TRMT1L: variants seen among roughly 807,000 people sequenced by gnomAD.
TRMT1L encodes the protein tRNA (guanine(27)-N(2))-dimethyltransferase.
TRMT1L carries 28 observed loss-of-function variants against 81.6 expected under a neutral mutation model. The ratio of observed to expected loss-of-function variants is 0.34; its 90% confidence interval spans 0.25 to 0.47. TRMT1L has a LOEUF of 0.47. Among genes scored for constraint, TRMT1L ranks in the 20% least tolerant of loss-of-function variants. TRMT1L has a pLI of 1.00. For synonymous variants in TRMT1L, 301 were observed against 303.2 expected, an observed-to-expected ratio of 0.99 and a Z score of 0.07; for missense variants, 739 against 877.1, an observed-to-expected ratio of 0.84 and a Z score of 1.99.
intron 3 of TRMT1L, among the ~76,000 whole-genome samples, chr1:185,148,268 C>T (rs1015968770): frequency 2.6e-5 from 4 of 152,174 alleles, no homozygotes; most frequent in Admixed American, 1.3e-4. Context: ...GACATCTCCA[C>T]TTAGATGCAT....
rs1238507724 is a variant in TRMT1L, at chr1:185,128,752, A to C, written c.1514-5T>G. ...GCAGCTGTCTATATGGGTTTTCTGT[A>C]AAAAGATAATAAAAGGAGAAATCAA... On this transcript the variant is annotated splice_region_variant and splice_polypyrimidine_tract_variant and intron_variant, in intron 10 of 14. Coordinates refer to ENST00000367506, the MANE Select transcript of TRMT1L (RefSeq NM_030934.5). The C allele has an allele frequency of 1.3e-6, 2 of 1,598,004 alleles. No individual in the cohort carries two copies. Among genetic ancestry groups the C allele is most frequent in the Non-Finnish European group, 1.7e-6 (2 of 1,175,516 alleles).
intron 12 of TRMT1L, among the ~76,000 whole-genome samples, chr1:185,124,240 T>C (rs537034686): frequency 6.6e-6 from 1 of 152,140 alleles, no homozygotes; most frequent in Admixed American, 6.5e-5. Flanking sequence ...TGTGTCTTCA[T>C]AGATATTACA....
At chr1:185,122,899 G>GACCAA (rs1553245502) in intron 13 of TRMT1L, among the ~76,000 whole-genome samples, 4 of 151,940 alleles carry the variant, frequency 2.6e-5, no homozygotes, top group Non-Finnish European at 5.9e-5. Flanking sequence ...TGGCCAGGCT[G>GACCAA]GTCTTGAACT....
In TRMT1L at chr1:185,118,144, T is replaced by C. The variant is rs1571338555; in HGVS notation, c.*1875A>G. On this transcript the variant is annotated 3_prime_UTR_variant, in exon 15 of 15. Transcript: ENST00000367506. ...AATGAAAGGATACAACTGATGCTAC[T>C]TTACAACATGATAAACATTTGCAAT... 1 of 152,314 alleles carries C rather than the reference T, an allele frequency of 6.6e-6. No individual in the cohort carries two copies. Among genetic ancestry groups the C allele is most frequent in the South Asian group, 2.1e-4 (1 of 4,832 alleles). 9.4% of individuals were successfully genotyped at this position (152,314 alleles called of 1,614,324 possible).
chr1:185,137,783 A>G lies in TRMT1L; in HGVS notation c.1336T>C (p.Cys446Arg). 6.2e-7 allele frequency: 1 copy of G among 1,613,276 alleles called. No homozygotes were observed. The highest frequency in any genetic ancestry group is 8.5e-7 in the Non-Finnish European group (1 of 1,179,854). Residue 446 changes from cysteine (C) to arginine (R), a missense_variant, in exon 10 of 15, where the codon TGC becomes CGC. By Grantham distance (180) the Cys-to-Arg change is radical. Around this residue, in one of 4 missense-constraint regions of TRMT1L, gnomAD observed 331 missense variants for 462.2 expected, o/e 0.72. Coordinates refer to ENST00000367506, the MANE Select transcript of TRMT1L (RefSeq NM_030934.5). ...AACAGTACTTCTATGCCTTTGTTGCATCGGGCTGCAGCTCTACAATAAATT... is the reference window on the plus strand; with the variant it reads ...AACAGTACTTCTATGCCTTTGTTGCGTCGGGCTGCAGCTCTACAATAAATT... Reference protein sequence around the residue: ...VAAVARAAARCNKGIEVLFAV... With the variant: ...VAAVARAAARRNKGIEVLFAV...
intron 7 of TRMT1L, among the ~76,000 whole-genome samples, chr1:185,141,129 C>A (rs1212986480): frequency 6.6e-6 from 1 of 152,106 alleles, no homozygotes; most frequent in African/African-American, 2.4e-5. Context: ...ACAAGCCCAG[C>A]CAACATAGAT....
chr1:185,120,167 T>A lies in TRMT1L; in HGVS notation c.2054A>T (p.Lys685Ile). The A allele has an allele frequency of 6.2e-7, 1 of 1,613,898 alleles. No homozygotes were observed. Among genetic ancestry groups the A allele is most frequent in the Non-Finnish European group, 8.5e-7 (1 of 1,179,906 alleles). Reference sequence around the variant, plus strand: ...GGTGCTGTACTTTAAAAGGATAGATTTAAACTGCATCAGAGGTGCATCTGT... The same window carrying A: ...GGTGCTGTACTTTAAAAGGATAGATATAAACTGCATCAGAGGTGCATCTGT... ...VRTDAPLMQF[K>I]SILLKYSTPT... Residue 685 changes from lysine to isoleucine, a missense_variant, in exon 15 of 15, where the codon AAA becomes ATA. Physicochemically the swap from Lys to Ile is moderately radical, Grantham distance 102. Transcript: ENST00000367506.
intron 3 of TRMT1L, among the ~76,000 whole-genome samples, chr1:185,148,124 C>G (rs1426505518): frequency 2.0e-5 from 3 of 152,070 alleles, no homozygotes; most frequent in African/African-American, 7.2e-5. Flanking sequence ...TTTTTTCCAT[C>G]AATATGTATT....
intron 10 of TRMT1L, among the ~76,000 whole-genome samples, chr1:185,135,643 A>G (rs1286232339): frequency 6.6e-6 from 1 of 151,996 alleles, no homozygotes; most frequent in East Asian, 1.9e-4. Context: ...TTTAAGGAAC[A>G]CATAATTCCA....
Position 185,119,056 on chromosome 1 carries a change from T to C in TRMT1L, c.*963A>G, listed in dbSNP as rs1475562888. On this transcript the variant is annotated 3_prime_UTR_variant, in exon 15 of 15. Coordinates refer to ENST00000367506, the MANE Select transcript of TRMT1L (RefSeq NM_030934.5). ...CATTAAGGAAACAATATTTTTTTTT[T>C]CAACTAATTTTTATAGTTACATCAG... The C allele has an allele frequency of 1.3e-5, 2 of 151,540 alleles. No individual in the cohort carries two copies. Among genetic ancestry groups the C allele is most frequent in the Non-Finnish European group, 2.9e-5 (2 of 67,924 alleles). 9.4% of individuals were successfully genotyped at this position (151,540 alleles called of 1,614,324 possible).
intron 5 of TRMT1L, among the ~76,000 whole-genome samples, chr1:185,144,678 A>ATGAGATATGGGATGTGTGGGAAAGT (rs144746652): frequency 0.1 from 15,156 of 152,014 alleles, 980 homozygotes; most frequent in East Asian, 0.25. Context: ...TATTTAAGAA[A>ATGAGATATGGGATGTGTGGGAAAGT]TGAGATCCTT....
intron 3 of TRMT1L, among the ~76,000 whole-genome samples, chr1:185,147,961 T>A (rs1284910655): frequency 1.3e-5 from 2 of 152,070 alleles, no homozygotes; most frequent in Non-Finnish European, 2.9e-5. Context: ...TTACATTAGG[T>A]CTCTTTACTT....
intron 9 of TRMT1L, among the ~76,000 whole-genome samples, chr1:185,138,400 T>C (rs1468216929): frequency 6.6e-6 from 1 of 152,188 alleles, no homozygotes; most frequent in Non-Finnish European, 1.5e-5. Context: ...TTAGCATGCA[T>C]ACAGTAAACA....
chr1:185,131,059 G>A (rs1285194308), intron 10 of TRMT1L, among the ~76,000 whole-genome samples: 2 of 151,836 alleles, frequency 1.3e-5, no homozygotes, highest in Non-Finnish European at 2.9e-5. Flanking sequence ...AAGTGCAGTG[G>A]TGCGATCTTG....
chr1:185,130,239 C>T (rs1253575934), intron 10 of TRMT1L, among the ~76,000 whole-genome samples: 2 of 152,098 alleles, frequency 1.3e-5, no homozygotes, highest in Non-Finnish European at 2.9e-5. Flanking sequence ...GGTACATAAG[C>T]GAGGAAGGCA....
In TRMT1L at chr1:185,140,044, T is replaced by A. The variant is rs769691761; in HGVS notation, c.1038A>T (p.Lys346Asn). 1 of 1,613,768 alleles carries A rather than the reference T, an allele frequency of 6.2e-7. No individual in the cohort carries two copies. The highest frequency in any genetic ancestry group is 2.2e-5 in the East Asian group (1 of 44,774). ...TGGTCACCTTAATATTACCAAGATT[T>A]TTCTCTCCTTCTTCAAGAATATCAT... ...KSDDILEEGEKNLGNIKVTKM... is the reference protein window; with the variant it reads ...KSDDILEEGENNLGNIKVTKM... Residue 346 changes from lysine (K) to asparagine (N), a missense_variant, in exon 8 of 15, where the codon AAA becomes AAT. Coordinates refer to ENST00000367506, the MANE Select transcript of TRMT1L (RefSeq NM_030934.5).
Position 185,137,675 on chromosome 1 carries a change from T to C in TRMT1L, c.1444A>G (p.Ile482Val). ...PTSADETAKK[I>V]QYLIHCQWCE... ...CACTGACAATGGATCAGGTATTGAATCTTCTTGGCTGTTTCATCTGCTGAA... is the reference window on the plus strand; with the variant it reads ...CACTGACAATGGATCAGGTATTGAACCTTCTTGGCTGTTTCATCTGCTGAA... The change falls in exon 10 of 15, where the codon ATT (isoleucine) becomes GTT (valine). Residue 482 changes from isoleucine to valine, a missense_variant. This residue lies in a region of TRMT1L where 331 missense variants were observed against 462.2 expected (regional missense o/e 0.72). Transcript: ENST00000367506. 11 of 1,614,176 alleles carry C rather than the reference T, an allele frequency of 6.8e-6. No individual in the cohort carries two copies. The highest frequency in any genetic ancestry group is 9.3e-6 in the Non-Finnish European group (11 of 1,180,020).
rs1349108114 is a variant in TRMT1L, at chr1:185,120,085, T to C, written c.2136A>G (p.Thr712=). The change falls in exon 15 of 15, where the codon ACA becomes ACG. Residue 712 remains threonine (T), a synonymous_variant. Coordinates refer to ENST00000367506, the MANE Select transcript of TRMT1L (RefSeq NM_030934.5). ...CTGACATTTCAACTCTTTCAGTTAC[T>C]GTATCTTCAGATGCTGACTGGACAT... ...ESHVQSASED[T]VTERVEMSVN... 4 of 1,613,930 alleles carry C rather than the reference T, an allele frequency of 2.5e-6. No individual in the cohort carries two copies. The highest frequency in any genetic ancestry group is 2.2e-5 in the East Asian group (1 of 44,888).
intron 8 of TRMT1L, 65 bp downstream of exon 8, chr1:185,139,905 TAAC>T: frequency 3.3e-6 from 5 of 1,502,268 alleles, no homozygotes; most frequent in Non-Finnish European, 4.5e-6. Flanking sequence ...TCTTAATTTT[TAAC>T]TACTCCTCGT....
Sources: allele counts gnomAD v4.1 joint callset (sites outside exome capture counted in the v4.1 genomes callset), GRCh38; gene constraint gnomAD v4.1.1; regional missense constraint gnomAD v4.1.1; transcripts MANE v1.5; gene names NCBI Gene and HGNC (gene_info 2026-07-23, HGNC 2026-07-21).